The following RUNX1 variants were observed in gnomAD, a reference collection of about 807,000 sequenced individuals.
RUNX1 encodes the protein RUNX family transcription factor 1.
Under a neutral mutation model 42.8 loss-of-function variants are expected in RUNX1, and 19 were observed. That is an observed-to-expected ratio of 0.44 (90% CI 0.31 to 0.65). RUNX1 has a LOEUF of 0.65. RUNX1 is among the 30% of genes least tolerant of loss of function. The pLI is 0.07. For missense variants in RUNX1, 528 were observed against 672.0 expected (o/e 0.79, Z 2.37); for synonymous variants, 271 against 289.4 (o/e 0.94, Z 0.64).
At position 35,006,887 on chromosome 21, in the gene RUNX1, C is replaced by T. The variant is rs528193842; in HGVS notation, c.58+41955G>A. On this transcript the variant is annotated intron_variant, in intron 2 of 8. Coordinates refer to ENST00000675419, the MANE Select transcript of RUNX1 (RefSeq NM_001754.5). Reference sequence around the variant, plus strand: ...CTCCTGATTCACCCAGGACAGTCCCCATTTACTGTACTTGCCACCTCCTTT... The same window carrying T: ...CTCCTGATTCACCCAGGACAGTCCCTATTTACTGTACTTGCCACCTCCTTT... 6.6e-5 allele frequency among the ~76,000 whole-genome samples: 10 copies of T among 152,272 alleles called. No individual in the cohort carries two copies. In the South Asian group the frequency reaches 1.7e-3, roughly 25 times the overall value.
intron 2 of RUNX1, among the ~76,000 whole-genome samples, chr21:34,993,628 C>A (rs913677196): frequency 5.3e-5 from 6 of 112,446 alleles, no homozygotes; most frequent in Non-Finnish European, 9.2e-5. Context: ...CACAGACACA[C>A]ACACAGACAC....
intron 2 of RUNX1, among the ~76,000 whole-genome samples, chr21:34,913,397 G>A (rs564431992): frequency 3.3e-5 from 5 of 152,208 alleles, no homozygotes; most frequent in Admixed American, 3.3e-4. Context: ...GAATGGAGAG[G>A]TGCAGATGGA....
intron 2 of RUNX1, among the ~76,000 whole-genome samples, chr21:34,950,627 T>G (rs2058600157): frequency 6.6e-6 from 1 of 152,144 alleles, no homozygotes; most frequent in Non-Finnish European, 1.5e-5. Context: ...GTCTCAGCTA[T>G]TCAGGAGGCT....
chr21:34,859,403 G>T, intron 6 of RUNX1, 71 bp downstream of exon 6: 1 of 1,177,492 alleles, frequency 8.5e-7, no homozygotes, highest in African/African-American at 1.5e-5. Context: ...CTGAGACATG[G>T]TCCCTGAGTA....
chr21:34,960,838 A>C (rs1403396284), intron 2 of RUNX1, among the ~76,000 whole-genome samples: 1 of 152,176 alleles, frequency 6.6e-6, no homozygotes, highest in Non-Finnish European at 1.5e-5. Flanking sequence ...AGATTGGACA[A>C]AGAGCCTTGT....
intron 2 of RUNX1, among the ~76,000 whole-genome samples, chr21:34,899,609 A>G (rs1053820396): frequency 2.6e-5 from 4 of 152,218 alleles, no homozygotes; most frequent in African/African-American, 9.6e-5. Context: ...ATCTTCTATC[A>G]GGCCTCACAA....
At chr21:34,806,121 C>G (rs1382106940) in intron 7 of RUNX1, among the ~76,000 whole-genome samples, 1 of 152,116 alleles carries the variant, frequency 6.6e-6, no homozygotes, top group Admixed American at 6.6e-5. Context: ...ATGATTGATA[C>G]TACTGCAGTT....
intron 7 of RUNX1, among the ~76,000 whole-genome samples, chr21:34,800,506 A>C (rs771402253): frequency 6.6e-6 from 1 of 152,236 alleles, no homozygotes; most frequent in Non-Finnish European, 1.5e-5. Flanking sequence ...ATGATCCTGC[A>C]GGTAGCAGTG....
intron 7 of RUNX1, among the ~76,000 whole-genome samples, chr21:34,815,474 G>T (rs983956392): frequency 6.6e-6 from 1 of 152,190 alleles, no homozygotes; most frequent in African/African-American, 2.4e-5. Flanking sequence ...GGGTCCTGAA[G>T]CCCCCGCCAT....
intron 2 of RUNX1, among the ~76,000 whole-genome samples, chr21:34,906,507 G>A (rs2058220694): frequency 6.6e-6 from 1 of 152,090 alleles, no homozygotes; most frequent in African/African-American, 2.4e-5. Flanking sequence ...TAATCCTTTT[G>A]GTAATACTAT....
chr21:35,040,299 A>C (rs938600694), intron 2 of RUNX1, among the ~76,000 whole-genome samples: 1 of 152,218 alleles, frequency 6.6e-6, no homozygotes, highest in Admixed American at 6.5e-5. Context: ...TCCTGAAAAA[A>C]ATGGCACTCA....
chr21:34,884,577 GAC>G (rs2057952352), intron 4 of RUNX1, among the ~76,000 whole-genome samples: 1 of 152,170 alleles, frequency 6.6e-6, no homozygotes, highest in African/African-American at 2.4e-5. Flanking sequence ...TGAAGCCAGG[GAC>G]ACACACTAAA....
intron 2 of RUNX1, among the ~76,000 whole-genome samples, chr21:34,982,208 A>C (rs575248987): frequency 6.6e-6 from 1 of 152,252 alleles, no homozygotes; most frequent in Admixed American, 6.5e-5. Flanking sequence ...TTTCTTACCA[A>C]GGATTTAGTC....
chr21:34,850,930 T>C (rs944383816), intron 6 of RUNX1, among the ~76,000 whole-genome samples: 4 of 152,194 alleles, frequency 2.6e-5, no homozygotes, highest in Non-Finnish European at 4.4e-5. Context: ...CTGTCCTCTT[T>C]TGAGTATGTA....
chr21:34,951,092 T>G (rs1319200973), intron 2 of RUNX1, among the ~76,000 whole-genome samples: 1 of 152,242 alleles, frequency 6.6e-6, no homozygotes, highest in East Asian at 1.9e-4. Flanking sequence ...TTTACAGTGC[T>G]GCCGAGTGTT....
At chr21:34,889,310 C>A (rs1414453818) in intron 3 of RUNX1, among the ~76,000 whole-genome samples, 2 of 152,126 alleles carry the variant, frequency 1.3e-5, no homozygotes, top group Non-Finnish European at 2.9e-5. Context: ...GCGCTGATTC[C>A]TTGCATGAGG....
chr21:34,826,335 G>T (rs534705091), intron 7 of RUNX1, among the ~76,000 whole-genome samples: 1 of 151,974 alleles, frequency 6.6e-6, no homozygotes, highest in East Asian at 1.9e-4. Context: ...TCTGCCTTGG[G>T]TTAATGCAGC....
At chr21:34,993,611 GCACACACACAGACACACACACAGA>G (rs1318795795) in intron 2 of RUNX1, among the ~76,000 whole-genome samples, 2 of 15,336 alleles carry the variant, frequency 1.3e-4, no homozygotes, top group African/African-American at 2.8e-4. Flanking sequence ...GCACACACAG[GCACACACACAGACACACACACAGA>G]CACACACAGG....
chr21:34,818,552 C>T (rs2056864096), intron 7 of RUNX1, among the ~76,000 whole-genome samples: 2 of 152,148 alleles, frequency 1.3e-5, no homozygotes, highest in Admixed American at 1.3e-4. Flanking sequence ...CCCTCATTGT[C>T]TCAGACAGGT....
Sources: allele counts gnomAD v4.1 joint callset (sites outside exome capture counted in the v4.1 genomes callset), GRCh38; gene constraint gnomAD v4.1.1; transcripts MANE v1.5; gene names NCBI Gene and HGNC (gene_info 2026-07-23, HGNC 2026-07-21).